Variants in DMD observed in about 807,000 individuals in gnomAD.
DMD encodes the protein dystrophin.
DMD carries 63 observed loss-of-function variants against 330.1 expected under a neutral mutation model. The observed-to-expected ratio is 0.19, with a 90% CI of 0.16 to 0.24. The LOEUF is 0.24. Ranked by LOEUF, DMD falls within the 10% of genes least tolerant of loss-of-function variation. DMD has a pLI of 1.00. For missense variants in DMD, 3,344 were observed against 2,684.1 expected (o/e 1.25, Z -5.43); for synonymous variants, 1,223 against 959.8 (o/e 1.27, Z -5.07).
chrX:32,024,968 T>C (rs1197205535), intron 44 of DMD, among the ~76,000 whole-genome samples: 1 of 111,562 alleles, frequency 9.0e-6, no homozygotes, highest in African/African-American at 3.3e-5. Context: ...CTTCAATAAA[T>C]GCAACAGGGG....
intron 1 of DMD, among the ~76,000 whole-genome samples, chrX:33,305,421 G>A (rs1171198357): frequency 1.3e-5 from 1 of 77,511 alleles, no homozygotes; most frequent in Non-Finnish European, 2.5e-5. Context: ...CTGTTGTGGG[G>A]TGGGGGGAGG....
intron 1 of DMD, among the ~76,000 whole-genome samples, chrX:33,199,302 T>C (rs756522830): frequency 9.1e-6 from 1 of 110,158 alleles, no homozygotes; most frequent in Admixed American, 9.7e-5. Context: ...TAAAGAGAAG[T>C]GGATGAAAAT....
chrX:32,189,699 C>T (rs1194042733), intron 44 of DMD, among the ~76,000 whole-genome samples: 2 of 110,020 alleles, frequency 1.8e-5, no homozygotes, highest in African/African-American at 3.3e-5. Flanking sequence ...GACTTTCCAG[C>T]CCCATTTCAC....
At chrX:32,523,597 C>T (rs1411898039) in intron 17 of DMD, among the ~76,000 whole-genome samples, 1 of 112,200 alleles carries the variant, frequency 8.9e-6, no homozygotes, top group African/African-American at 3.2e-5. Flanking sequence ...TTTGTCCAAT[C>T]ACATTCCTAC....
At chrX:33,329,082 T>G (rs762658532) in intron 1 of DMD, among the ~76,000 whole-genome samples, 8 of 112,071 alleles carry the variant, frequency 7.1e-5, no homozygotes, top group Non-Finnish European at 1.5e-4. Flanking sequence ...TAGAATTACT[T>G]TCTTTAATCT....
chrX:33,067,429 A>C (rs1374957518), intron 1 of DMD, among the ~76,000 whole-genome samples: 3 of 112,915 alleles, frequency 2.7e-5, no homozygotes, highest in Non-Finnish European at 5.6e-5. Context: ...TACAATAATC[A>C]AAGAGGTGAT....
intron 55 of DMD, among the ~76,000 whole-genome samples, chrX:31,549,611 A>T (rs1312850779): frequency 3.6e-5 from 4 of 112,311 alleles, no homozygotes; most frequent in Non-Finnish European, 7.5e-5. Context: ...TGCTTGATAT[A>T]CTTTATGCCT....
At chrX:32,362,752 T>C in intron 37 of DMD, 36 bp downstream of exon 37, 1 of 1,205,358 alleles carries the variant, frequency 8.3e-7, no homozygotes, top group East Asian at 3.0e-5. Context: ...AGAGACCATT[T>C]AGCACAAGTT....
chrX:32,745,506 A>AGTGACAGTTAAGTTCCTATG (rs2069869788), intron 7 of DMD, among the ~76,000 whole-genome samples: 1 of 112,301 alleles, frequency 8.9e-6, no homozygotes, highest in African/African-American at 3.2e-5. Flanking sequence ...GGGTGTCTTC[A>AGTGACAGTTAAGTTCCTATG]GTGACAGTTA....
rs2054147410 is a variant in DMD, at chrX:33,330,068, T to C, written c.7+9191A>G. ...ATATAAATAGATATATAGATAAATA[T>C]ATACATATATGTGTATATATGCATA... is the stretch of plus-strand genomic sequence containing the variant. On this transcript the variant is annotated intron_variant, in intron 1 of 17. Transcript: ENST00000288447. Among the ~76,000 whole-genome samples the C allele has an allele frequency of 3.6e-5, 4 of 111,218 alleles. No individual in the cohort carries two copies. The South Asian group carries it at 1.5e-3, about 41-fold the overall frequency.
chrX:32,004,754 G>A (rs984197085), intron 44 of DMD, among the ~76,000 whole-genome samples: 15 of 111,097 alleles, frequency 1.4e-4, no homozygotes, highest in South Asian at 3.7e-4. Context: ...GATGCAGTAT[G>A]TTTCAACAGA....
chrX:31,218,175 G>A (rs1357871519), intron 64 of DMD, among the ~76,000 whole-genome samples: 1 of 109,851 alleles, frequency 9.1e-6, no homozygotes, highest in Non-Finnish European at 1.9e-5. Context: ...ATTATAGAAA[G>A]GAACAGTCAT....
chrX:32,513,796 G>T (rs933022447), intron 18 of DMD, among the ~76,000 whole-genome samples: 1 of 111,464 alleles, frequency 9.0e-6, no homozygotes, highest in Admixed American at 9.5e-5. Context: ...TATTTGAATG[G>T]GAATGAATGA....
In DMD at chrX:32,357,019, G is replaced by C. The variant is rs1380838483; in HGVS notation, c.5325+5769C>G. Among the ~76,000 whole-genome samples, 14 of 111,152 alleles carry C rather than the reference G, an allele frequency of 1.3e-4. No individual in the cohort carries two copies. The Admixed American group carries it at 1.3e-3, about 11-fold the overall frequency. On this transcript the variant is annotated intron_variant, in intron 37 of 78. Transcript: ENST00000357033. ...ATTTCCCTCCTCAGCCTCCCAAGTA[G>C]CTGGGATTACAGGCGCCCACCACCA... is the stretch of plus-strand genomic sequence containing the variant.
chrX:31,223,101 A>C lies in DMD; in HGVS notation c.9307T>G (p.Phe3103Val). ...TTCATGGCAGTCCTATAAGCTGAGA[A>C]TCTGACATTATTCAGGTCAGCTGAA... The part of the protein sequence containing the change: ...QSLADLNNVR[F>V]SAYRTAMKLR... The change falls in exon 64 of 79, where the codon TTC (phenylalanine) becomes GTC (valine). Residue 3103 changes from phenylalanine (F) to valine (V), a missense_variant. Physicochemically the swap from Phe to Val is conservative, Grantham distance 50. Coordinates refer to ENST00000357033, the MANE Select transcript of DMD (RefSeq NM_004006.3). 8.3e-7 allele frequency: 1 copy of C among 1,210,768 alleles called. No individual in the cohort carries two copies. Among genetic ancestry groups the C allele is most frequent in the Non-Finnish European group, 1.1e-6 (1 of 894,518 alleles).
At chrX:32,152,643 G>A (rs1413877064) in intron 44 of DMD, among the ~76,000 whole-genome samples, 3 of 111,636 alleles carry the variant, frequency 2.7e-5, no homozygotes, top group Admixed American at 9.6e-5. Context: ...TCCAGAGAGC[G>A]AAAGTGCCCT....
At chrX:31,719,592 G>A (rs1418850733) in intron 52 of DMD, among the ~76,000 whole-genome samples, 1 of 111,687 alleles carries the variant, frequency 9.0e-6, no homozygotes, top group Non-Finnish European at 1.9e-5. Context: ...TATTCTGCAC[G>A]TGTTTCCTGT....
intron 6 of DMD, among the ~76,000 whole-genome samples, chrX:32,814,752 T>G (rs185818619): frequency 1.9e-3 from 215 of 111,463 alleles, no homozygotes; most frequent in Non-Finnish European, 3.5e-3. Flanking sequence ...TACCTACAAA[T>G]GTATTCAGAA....
intron 1 of DMD, among the ~76,000 whole-genome samples, chrX:33,172,818 A>T (rs2049428163): frequency 9.0e-6 from 1 of 111,651 alleles, no homozygotes; most frequent in South Asian, 3.7e-4. Flanking sequence ...TATACAAATA[A>T]TTTTTTTCTC....
Sources: gnomAD v4.1 joint callset for allele counts (sites outside exome capture counted in the v4.1 genomes callset) on GRCh38, gnomAD v4.1.1 for gene constraint, MANE v1.5 for transcripts, NCBI Gene and HGNC (gene_info 2026-07-23, HGNC 2026-07-21) for gene names.